The following PRG4 variants were observed in gnomAD, a reference collection of about 807,000 sequenced individuals.
PRG4 encodes the protein articular superficial zone protein.
In PRG4, 61 loss-of-function variants were observed where a neutral mutation model predicts 91.2. The observed-to-expected ratio is 0.67, with a 90% CI of 0.54 to 0.83. PRG4 has a LOEUF of 0.83. PRG4 is among the 40% of genes least tolerant of loss of function. The pLI is 0.00. For missense variants in PRG4, 1,564 were observed against 1,714.2 expected (o/e 0.91, Z 1.55); for synonymous variants, 576 against 614.2 (o/e 0.94, Z 0.92).
rs949655535 is a variant in PRG4 at position 186,304,207 on chromosome 1, C to T, written c.419C>T (p.Pro140Leu). ...KSTTKRSPKPPNKKKTKKVIE... is the reference protein window; with the variant it reads ...KSTTKRSPKPLNKKKTKKVIE... ...ACAACCAAACGTTCACCCAAACCAC[C>T]AAACAAGAAGAAGACTAAGAAAGTT... The change falls in exon 5 of 13, where the codon CCA becomes CTA. Residue 140 changes from proline (P) to leucine (L), a missense_variant. Around this residue, in one of 3 missense-constraint regions of PRG4, gnomAD observed 437 missense variants for 459.0 expected, o/e 0.95. Coordinates refer to ENST00000445192, the MANE Select transcript of PRG4 (RefSeq NM_005807.6). 6.2e-7 allele frequency: 1 copy of T among 1,613,568 alleles called. No individual in the cohort carries two copies. Among genetic ancestry groups the T allele is most frequent in the Non-Finnish European group, 8.5e-7 (1 of 1,179,636 alleles).
In PRG4 at chr1:186,308,606, A is replaced by G. The variant is rs1656924559; in HGVS notation, c.2887A>G (p.Thr963Ala). 1 of 1,610,558 alleles carries G rather than the reference A, an allele frequency of 6.2e-7. No individual in the cohort carries two copies. The highest frequency in any genetic ancestry group is 8.5e-7 in the Non-Finnish European group (1 of 1,179,902). Reference sequence around the variant, plus strand: ...AGCTACAACCACACAAGTAACATCTACCACAACTCAAGATACCACACCATT... The same window carrying G: ...AGCTACAACCACACAAGTAACATCTGCCACAACTCAAGATACCACACCATT... ...ITATTTQVTS[T>A]TTQDTTPFKI... The change falls in exon 7 of 13, where the codon ACC becomes GCC. Residue 963 changes from threonine to alanine, a missense_variant. Around this residue, in one of 3 missense-constraint regions of PRG4, gnomAD observed 1,079 missense variants for 1,162.2 expected, o/e 0.93. Transcript: ENST00000445192.
intron 4 of PRG4, among the ~76,000 whole-genome samples, chr1:186,302,555 C>A (rs932499511): frequency 2.6e-5 from 4 of 152,224 alleles, no homozygotes; most frequent in African/African-American, 9.6e-5. Context: ...AACAAGCCTG[C>A]GCTTCCTGCT....
In PRG4 at chr1:186,311,355, G is replaced by A. The variant is rs979472524; in HGVS notation, c.3637-85G>A. On this transcript the variant is annotated intron_variant, in intron 9 of 12. Coordinates refer to ENST00000445192, the MANE Select transcript of PRG4 (RefSeq NM_005807.6). ...TTCAACCGTTTAACCAAGTTAACAC[G>A]TTCTCTCTATACTTAAATCTAGAAA... 119 of 1,474,398 alleles carry A rather than the reference G, an allele frequency of 8.1e-5. 1 individual carries two copies. The South Asian group carries it at 9.5e-4, about 12-fold the overall frequency. The allele number at this position is 1,474,398 out of a possible 1,614,324, so 91.3% of individuals were successfully genotyped here.
intron 7 of PRG4, 146 bp from the exon 8 acceptor site, chr1:186,309,647 A>C (rs545112469): frequency 3.3e-5 from 22 of 667,698 alleles, no homozygotes; most frequent in Non-Finnish European, 5.1e-5. Context: ...TATCAAGTAT[A>C]TAACTATGCA....
intron 8 of PRG4, 133 bp from the exon 9 acceptor site, chr1:186,310,901 A>G: frequency 1.0e-6 from 1 of 976,416 alleles, no homozygotes; most frequent in Non-Finnish European, 1.6e-6. Flanking sequence ...AAATGTTCAA[A>G]TACTACCTTT....
chr1:186,303,004 A>C (rs184961463), intron 4 of PRG4, among the ~76,000 whole-genome samples: 2 of 152,214 alleles, frequency 1.3e-5, no homozygotes, highest in Non-Finnish European at 2.9e-5. Context: ...CAGCGTCCCA[A>C]CTTAAAATAA....
chr1:186,307,581 C>G lies in PRG4; in HGVS notation c.1862C>G (p.Pro621Arg), dbSNP rs1482887143. 1.2e-6 allele frequency: 2 copies of G among 1,602,270 alleles called. No individual in the cohort carries two copies. The highest frequency in any genetic ancestry group is 1.7e-6 in the Non-Finnish European group (2 of 1,175,112). ...CCCAAGGAGACTGCACCCACCACCC[C>G]CAAGAAGCTCACGCCCACCACCCCC... The part of the protein sequence containing the change: ...TTPKETAPTT[P>R]KKLTPTTPEK... Residue 621 changes from proline to arginine, a missense_variant, in exon 7 of 13, where the codon CCC becomes CGC. By Grantham distance (103) the Pro-to-Arg change is moderately radical (BLOSUM62 -2). This residue lies in a region of PRG4 where 1,079 missense variants were observed against 1,162.2 expected (regional missense o/e 0.93). Coordinates refer to ENST00000445192, the MANE Select transcript of PRG4 (RefSeq NM_005807.6).
chr1:186,311,078 G>A lies in PRG4; in HGVS notation c.3544G>A (p.Ala1182Thr), dbSNP rs1657182881. The A allele has an allele frequency of 1.2e-6, 2 of 1,613,770 alleles. No homozygotes were observed. Among genetic ancestry groups the A allele is most frequent in the Non-Finnish European group, 1.7e-6 (2 of 1,179,862 alleles). ...MLSPFSPPSP[A>T]RRITEVWGIP... ...AAGTCCATTCAGTCCACCATCTCCAGCTCGCAGAATTACTGAAGTTTGGGG... is the reference window on the plus strand; with the variant it reads ...AAGTCCATTCAGTCCACCATCTCCAACTCGCAGAATTACTGAAGTTTGGGG... The change falls in exon 9 of 13, where the codon GCT (alanine) becomes ACT (threonine). Residue 1182 changes from alanine (A) to threonine (T), a missense_variant. Coordinates refer to ENST00000445192, the MANE Select transcript of PRG4 (RefSeq NM_005807.6).
At chr1:186,297,421 T>C (rs566362832) in intron 2 of PRG4, among the ~76,000 whole-genome samples, 1 of 152,368 alleles carries the variant, frequency 6.6e-6, no homozygotes, top group African/African-American at 2.4e-5. Context: ...GTGTTTCAAA[T>C]GGCATTTTAT....
At position 186,309,431 on chromosome 1, in the gene PRG4, T is replaced by C. The variant is rs1045015242; in HGVS notation, c.3421+291T>C. The stretch of plus-strand genomic sequence containing the variant: ...TCGGAGTCTATTCTTAAAAGTACAA[T>C]GCAAAGCAAAAATCTGTAGTATCAT... On this transcript the variant is annotated intron_variant, in intron 7 of 12. Coordinates refer to ENST00000445192, the MANE Select transcript of PRG4 (RefSeq NM_005807.6). 1.1e-4 allele frequency among the ~76,000 whole-genome samples: 16 copies of C among 152,250 alleles called. No individual in the cohort carries two copies. In the East Asian group the frequency reaches 2.7e-3, roughly 26 times the overall value.
intron 3 of PRG4, 78 bp from the exon 4 acceptor site, chr1:186,301,514 A>G: frequency 6.3e-7 from 1 of 1,597,336 alleles, no homozygotes; most frequent in South Asian, 1.1e-5. Flanking sequence ...GTCAAGTCTA[A>G]GGTGGGAAAT....
Position 186,311,681 on chromosome 1 carries a change from A to C in PRG4, c.3793+85A>C. 3 of 1,377,548 alleles carry C rather than the reference A, an allele frequency of 2.2e-6. No individual in the cohort carries two copies. In the South Asian group the frequency reaches 3.6e-5, roughly 16 times the overall value. 85.3% of individuals were successfully genotyped at this position (1,377,548 alleles called of 1,614,324 possible). On this transcript the variant is annotated intron_variant, in intron 10 of 12. Coordinates refer to ENST00000445192, the MANE Select transcript of PRG4 (RefSeq NM_005807.6). Reference sequence around the variant, plus strand: ...CATTTATTATTGACTTTACTGTCAAAAGATATCTTTAATGGCTGAAATCAA... The same window carrying C: ...CATTTATTATTGACTTTACTGTCAACAGATATCTTTAATGGCTGAAATCAA...
intron 8 of PRG4, 114 bp from the exon 9 acceptor site, chr1:186,310,920 A>AC (rs1657167300): frequency 8.5e-7 from 1 of 1,178,170 alleles, no homozygotes; most frequent in Non-Finnish European, 1.2e-6. Context: ...TTTGTATCTG[A>AC]CTAAACTTCC....
chr1:186,313,034 G>A, intron 12 of PRG4, 140 bp downstream of exon 12: 6 of 917,110 alleles, frequency 6.5e-6, no homozygotes, highest in Non-Finnish European at 1.0e-5. Context: ...GTGGAAAAGA[G>A]TTAAGACTTT....
At chr1:186,303,849 G>C (rs925266550) in intron 4 of PRG4, among the ~76,000 whole-genome samples, 1 of 152,128 alleles carries the variant, frequency 6.6e-6, no homozygotes, top group South Asian at 2.1e-4. Flanking sequence ...GTAGAGGCTC[G>C]CAGGCCTAGG....
intron 12 of PRG4, chr1:186,313,135 A>G: frequency 1.9e-6 from 1 of 521,942 alleles, no homozygotes; most frequent in South Asian, 2.1e-5. Flanking sequence ...TACTAGAGTA[A>G]ACTTGCTACT....
Position 186,304,259 on chromosome 1 carries a change from T to C in PRG4, c.469+2T>C, listed in dbSNP as rs1175146113. 4 of 1,611,806 alleles carry C rather than the reference T, an allele frequency of 2.5e-6. No homozygotes were observed. The Admixed American group carries it at 5.0e-5, about 20-fold the overall frequency. ...TAGAATCAGAGGAAATAACAGAAGG[T>C]AGGAAGATGACAGATATAATCAAAG... On this transcript the variant is annotated splice_donor_variant, in intron 5 of 12. Transcript: ENST00000445192. LOFTEE classifies it high-confidence loss of function.
intron 5 of PRG4, among the ~76,000 whole-genome samples, chr1:186,304,513 CA>C (rs1166281406): frequency 7.2e-5 from 11 of 152,204 alleles, no homozygotes; most frequent in Admixed American, 5.2e-4. Context: ...CTATAAAAAA[CA>C]AAAACCACCC....
chr1:186,310,862 T>C (rs970413801), intron 8 of PRG4, among the ~76,000 whole-genome samples, 172 bp from the exon 9 acceptor site: 2 of 152,164 alleles, frequency 1.3e-5, no homozygotes, highest in African/African-American at 4.8e-5. Context: ...TTATGCTAAA[T>C]TTCGGACTTG....
Sources: gnomAD v4.1 joint callset for allele counts (sites outside exome capture counted in the v4.1 genomes callset) on GRCh38, gnomAD v4.1.1 for gene constraint, gnomAD v4.1.1 regional missense constraint, MANE v1.5 for transcripts, NCBI Gene and HGNC (gene_info 2026-07-23, HGNC 2026-07-21) for gene names.